TET3: variants seen among roughly 807,000 people sequenced by gnomAD.
TET3 encodes methylcytosine dioxygenase TET3.
A neutral mutation model predicts 141.4 loss-of-function variants in TET3; 19 were observed. That is an observed-to-expected ratio of 0.13 (90% CI 0.09 to 0.20). The LOEUF is 0.20. Among genes scored for constraint, TET3 ranks in the 10% least tolerant of loss-of-function variants. TET3 has a pLI of 1.00. For synonymous variants in TET3, 1,043 were observed against 980.9 expected, an observed-to-expected ratio of 1.06 and a Z score of -1.18; for missense variants, 1,874 against 2,356.9, an observed-to-expected ratio of 0.80 and a Z score of 4.24.
chr2:74,033,815 G>C (rs1464709936), intron 3 of TET3, among the ~76,000 whole-genome samples: 1 of 151,988 alleles, frequency 6.6e-6, no homozygotes, highest in African/African-American at 2.4e-5. Context: ...GCCCAATGTG[G>C]CTGGGCACGG....
chr2:74,045,754 A>G lies in TET3; in HGVS notation c.361-524A>G, dbSNP rs919203996. Among the ~76,000 whole-genome samples, 8 of 152,284 alleles carry G rather than the reference A, an allele frequency of 5.3e-5. No individual in the cohort carries two copies. The South Asian group carries it at 8.3e-4, about 16-fold the overall frequency. ...ACAGTTTTAGGGGGAGAAAAGAACT[A>G]TGGGTCCCCACTAGGAAGCCATGGC... On this transcript the variant is annotated intron_variant, in intron 3 of 11. Coordinates refer to ENST00000409262, the MANE Select transcript of TET3 (RefSeq NM_001287491.2).
At chr2:74,040,833 T>C (rs1687298813) in intron 3 of TET3, among the ~76,000 whole-genome samples, 1 of 152,098 alleles carries the variant, frequency 6.6e-6, no homozygotes, top group African/African-American at 2.4e-5. Context: ...CAGTTGAGGC[T>C]GCATTAAGCC....
At chr2:74,109,614 C>G (rs541571988), downstream of TET3, among the ~76,000 whole-genome samples, 1 of 152,224 alleles carries the variant, frequency 6.6e-6, no homozygotes, top group Non-Finnish European at 1.5e-5. Flanking sequence ...TTTCTTTCTA[C>G]GCTGAGAAGC....
chr2:74,099,040 A>G (rs927179681), intron 10 of TET3, among the ~76,000 whole-genome samples: 3 of 152,216 alleles, frequency 2.0e-5, no homozygotes, highest in African/African-American at 7.2e-5. Context: ...CAGCCTTCTT[A>G]GGATCATAGG....
rs1306319548 is a variant in TET3, at chr2:74,101,387, G to A, written c.4599G>A (p.Lys1533=). Residue 1533 remains lysine, a synonymous_variant, in exon 12 of 12, where the codon AAG becomes AAA. Transcript: ENST00000409262. The surrounding 1 kb of genome is among the most constrained non-coding windows in gnomAD (Gnocchi z 8.5). ...SALAGPSLTE[K]PWALGAGDFN... is the part of the protein sequence containing the mutation. ...TGGCTGGGCCCAGCCTGACTGAGAA[G>A]CCGTGGGCGCTGGGGGCAGGGGATT... 4.3e-6 allele frequency: 7 copies of A among 1,613,924 alleles called. No individual in the cohort carries two copies. The highest frequency in any genetic ancestry group is 5.1e-6 in the Non-Finnish European group (6 of 1,179,874).
chr2:73,991,394 A>G lies in TET3; in HGVS notation c.303+4688A>G, dbSNP rs185754075. Among the ~76,000 whole-genome samples the G allele has an allele frequency of 1.3e-3, 201 of 151,818 alleles. 1 individual carries two copies. The highest frequency in any genetic ancestry group is 6.8e-3 in the Middle Eastern group (2 of 294). ...AGGTCAGGAATTCGAGACCAGCCTG[A>G]CCAACATGGAGAAACCCCATCTCTA... On this transcript the variant is annotated intron_variant, in intron 2 of 11. Transcript: ENST00000409262.
Position 74,107,720 on chromosome 2 carries a change from T to C in TET3, c.*5544T>C, listed in dbSNP as rs1301067236. ...TGAATTCCTGTTTGGTTACTTGGCTTCCAATGGAGGTGAACTTAACAACCA... is the reference window on the plus strand; with the variant it reads ...TGAATTCCTGTTTGGTTACTTGGCTCCCAATGGAGGTGAACTTAACAACCA... On this transcript the variant is annotated 3_prime_UTR_variant, in exon 12 of 12. Coordinates refer to ENST00000409262, the MANE Select transcript of TET3 (RefSeq NM_001287491.2). 1 of 152,212 alleles carries C rather than the reference T, an allele frequency of 6.6e-6. No homozygotes were observed. The highest frequency in any genetic ancestry group is 1.5e-5 in the Non-Finnish European group (1 of 68,048). The allele number at this position is 152,212 out of a possible 1,614,324, so 9.4% of individuals were successfully genotyped here. A position where few individuals can be genotyped will look rare whatever the true frequency, so the allele number is the denominator to read the frequency against.
In TET3 at chr2:74,093,348, G is replaced by T. The variant is rs577653697; in HGVS notation, c.3130-181G>T. On this transcript the variant is annotated intron_variant, in intron 9 of 11. Coordinates refer to ENST00000409262, the MANE Select transcript of TET3 (RefSeq NM_001287491.2). This position sits in a 1 kb window ranked among gnomAD's most constrained non-coding sequence, Gnocchi z 4.2. ...CCAGAAGGAAGTAATTCCTACAGGAGACTGAAAGTAACTTTTTTGTAGCTG... is the reference window on the plus strand; with the variant it reads ...CCAGAAGGAAGTAATTCCTACAGGATACTGAAAGTAACTTTTTTGTAGCTG... Among the ~76,000 whole-genome samples the T allele has an allele frequency of 6.6e-6, 1 of 152,266 alleles. No individual in the cohort carries two copies. The highest frequency in any genetic ancestry group is 2.1e-4 in the South Asian group (1 of 4,822).
intron 4 of TET3, among the ~76,000 whole-genome samples, chr2:74,071,688 A>C (rs751215733): frequency 3.2e-4 from 48 of 152,188 alleles, no homozygotes; most frequent in Admixed American, 3.1e-3. Context: ...GACCCAATGT[A>C]GGTTACTCTA....
chr2:74,134,514 T>C, the TET3 span: 136,270 of 317,796 alleles, frequency 0.43, 31,855 homozygotes, highest in South Asian at 0.54. Flanking sequence ...CTTAGGGAGG[T>C]ACCTTCAGAA....
At chr2:73,985,482 C>A (rs951957266) in intron 1 of TET3, among the ~76,000 whole-genome samples, 37 of 145,176 alleles carry the variant, frequency 2.5e-4, no homozygotes, top group African/African-American at 9.1e-4. Flanking sequence ...CGCGGGCCGC[C>A]CTCCCCAGTC....
intron 3 of TET3, among the ~76,000 whole-genome samples, chr2:74,005,889 C>A (rs148087268): frequency 2.9e-4 from 44 of 152,308 alleles, no homozygotes; most frequent in Non-Finnish European, 4.9e-4. Context: ...GACACTGTTG[C>A]TACCACCTCC....
At chr2:73,989,411 C>T (rs764330812) in intron 2 of TET3, among the ~76,000 whole-genome samples, 5 of 152,166 alleles carry the variant, frequency 3.3e-5, no homozygotes, top group South Asian at 2.1e-4. Context: ...CTCCATCTCT[C>T]GTAGCTGACT....
intron 2 of TET3, among the ~76,000 whole-genome samples, chr2:73,997,891 G>T (rs183239049): frequency 6.6e-4 from 100 of 152,318 alleles, no homozygotes; most frequent in African/African-American, 2.3e-3. Context: ...AAAAGGGAGG[G>T]ATGCCTTGAG....
intron 3 of TET3, among the ~76,000 whole-genome samples, chr2:74,014,896 AG>A (rs746705518): frequency 1.3e-5 from 2 of 152,232 alleles, no homozygotes; most frequent in Non-Finnish European, 2.9e-5. Context: ...CCACAGTGCC[AG>A]GAAAAATGTG....
the TET3 span, among the ~76,000 whole-genome samples, chr2:74,116,720 C>CA: frequency 6.7e-6 from 1 of 148,508 alleles, no homozygotes; most frequent in African/African-American, 2.5e-5. Context: ...CTGTGTACCC[C>CA]ATGAATATGT....
At chr2:74,128,663 CAATAAAGACTATAAAAAAAT>C in the TET3 span, among the ~76,000 whole-genome samples, 5 of 144,718 alleles carry the variant, frequency 3.5e-5, no homozygotes, top group African/African-American at 1.3e-4. Flanking sequence ...TGTTCTAAAA[CAATAAAGACTATAAAAAAAT>C]AATAAAGACT....
rs1008168813 is a variant in TET3, at chr2:74,104,939, A to G, written c.*2763A>G. The stretch of plus-strand genomic sequence containing the variant: ...CGGTGTGGTTGCCGTGCTCAAGCCC[A>G]TGCTGATTTGTACACTACATGTCTA... On this transcript the variant is annotated 3_prime_UTR_variant, in exon 12 of 12. Transcript: ENST00000409262. 1.3e-5 allele frequency: 5 copies of G among 377,894 alleles called. No homozygotes were observed. Among genetic ancestry groups the G allele is most frequent in the East Asian group, 7.6e-5 (2 of 26,456 alleles). 23.4% of individuals were successfully genotyped at this position (377,894 alleles called of 1,614,324 possible).
chr2:74,005,327 G>C (rs1349623592), intron 3 of TET3, among the ~76,000 whole-genome samples: 1 of 152,204 alleles, frequency 6.6e-6, no homozygotes, highest in East Asian at 1.9e-4. Flanking sequence ...TGAGCTGGCT[G>C]AGTTTTTAAA....
Sources: allele counts gnomAD v4.1 joint callset (sites outside exome capture counted in the v4.1 genomes callset), GRCh38; gene constraint gnomAD v4.1.1; non-coding constraint Gnocchi (gnomAD v3.1); transcripts MANE v1.5; gene names NCBI Gene and HGNC (gene_info 2026-07-23, HGNC 2026-07-21).